Variants in RANBP2 observed in about 807,000 individuals in gnomAD.
RANBP2 encodes E3 SUMO-protein ligase RanBP2.
In RANBP2, 57 loss-of-function variants were observed where a neutral mutation model predicts 303.6. That is an observed-to-expected ratio of 0.19 (90% CI 0.15 to 0.23). The LOEUF is 0.23. Ranked by LOEUF, RANBP2 falls within the 10% of genes least tolerant of loss-of-function variation. The pLI, the probability that RANBP2 is intolerant of heterozygous loss-of-function variation, is 1.00. For synonymous variants in RANBP2, 1,167 were observed against 1,301.5 expected, an observed-to-expected ratio of 0.90 and a Z score of 2.23; for missense variants, 3,138 against 3,780.8, an observed-to-expected ratio of 0.83 and a Z score of 4.46.
chr2:108,799,517 C>G, the RANBP2 span, among the ~76,000 whole-genome samples: 1 of 152,190 alleles, frequency 6.6e-6, no homozygotes, highest in Non-Finnish European at 1.5e-5. Context: ...GTACATCTGC[C>G]TTTTCCAGAA....
At chr2:109,052,715 G>A in the RANBP2 span, among the ~76,000 whole-genome samples, 2 of 152,152 alleles carry the variant, frequency 1.3e-5, no homozygotes, top group African/African-American at 4.8e-5. Context: ...GGCCAGGCTA[G>A]TCTCAAACTC....
the RANBP2 span, chr2:108,878,592 C>A: frequency 5.9e-6 from 1 of 169,208 alleles, no homozygotes; most frequent in South Asian, 1.4e-4. Context: ...TGGTTTTTCT[C>A]TTTGTGTATA....
At chr2:109,710,948 T>C in the RANBP2 span, among the ~76,000 whole-genome samples, 2 of 152,040 alleles carry the variant, frequency 1.3e-5, no homozygotes, top group Non-Finnish European at 2.9e-5. Context: ...TTATGGGACA[T>C]TCTCTCAGGT....
Position 108,764,217 on chromosome 2 carries a change from A to G in RANBP2, c.3678A>G (p.Thr1226=). ...ATGTAAAAATACTGAGGCATAAAAC[A>G]TCTGGTAAAATTCGCCTTCTAATGA... ...IGNVKILRHK[T]SGKIRLLMRR... is the part of the protein sequence containing the mutation. Residue 1226 remains threonine, a synonymous_variant, in exon 20 of 29, where the codon ACA becomes ACG. Coordinates refer to ENST00000283195, the MANE Select transcript of RANBP2 (RefSeq NM_006267.5). 3 of 1,614,100 alleles carry G rather than the reference A, an allele frequency of 1.9e-6. No individual in the cohort carries two copies. Among genetic ancestry groups the G allele is most frequent in the South Asian group, 1.1e-5 (1 of 91,088 alleles).
the RANBP2 span, among the ~76,000 whole-genome samples, chr2:109,367,733 C>G: frequency 2.4e-4 from 36 of 151,918 alleles, no homozygotes; most frequent in African/African-American, 8.2e-4. Flanking sequence ...TCTAGTTTTT[C>G]TCTAGTTTAA....
intron 2 of RANBP2, among the ~76,000 whole-genome samples, chr2:108,729,705 G>C (rs915156641): frequency 8.8e-5 from 13 of 147,782 alleles, no homozygotes; most frequent in African/African-American, 3.4e-4. Context: ...AGGAAATTAA[G>C]AGGGAGTCAG....
At chr2:109,721,887 T>C in the RANBP2 span, among the ~76,000 whole-genome samples, 2 of 152,164 alleles carry the variant, frequency 1.3e-5, no homozygotes, top group Admixed American at 1.3e-4. Context: ...GCCACGCCTC[T>C]CTAGGTGGGC....
At chr2:109,004,251 C>T in the RANBP2 span, among the ~76,000 whole-genome samples, 1 of 152,204 alleles carries the variant, frequency 6.6e-6, no homozygotes. Flanking sequence ...GGCCCACCCT[C>T]ACGTGCTGTG....
the RANBP2 span, among the ~76,000 whole-genome samples, chr2:108,831,439 A>T: frequency 2.8e-4 from 42 of 152,326 alleles, no homozygotes; most frequent in African/African-American, 9.6e-4. Flanking sequence ...TTATGTTTGG[A>T]TTAAGAATAT....
the RANBP2 span, among the ~76,000 whole-genome samples, chr2:108,967,756 G>A: frequency 2.6e-5 from 4 of 152,054 alleles, no homozygotes; most frequent in Admixed American, 6.6e-5. Context: ...AAAACTAGAC[G>A]GTGGATTTCT....
the RANBP2 span, among the ~76,000 whole-genome samples, chr2:109,582,530 C>T: frequency 1.3e-5 from 2 of 152,064 alleles, no homozygotes; most frequent in Non-Finnish European, 2.9e-5. Flanking sequence ...CCATGTTGCC[C>T]AGGCTAGTCT....
At chr2:108,878,707 CTGGGTA>C in the RANBP2 span, among the ~76,000 whole-genome samples, 1 of 152,132 alleles carries the variant, frequency 6.6e-6, no homozygotes, top group Non-Finnish European at 1.5e-5. Flanking sequence ...TAGTAAGTAT[CTGGGTA>C]AGTCTATCTT....
the RANBP2 span, among the ~76,000 whole-genome samples, chr2:108,805,587 C>T: frequency 1.3e-5 from 2 of 151,346 alleles, no homozygotes; most frequent in South Asian, 2.1e-4. Flanking sequence ...AATAGCTGGG[C>T]GTGATGGCGG....
the RANBP2 span, among the ~76,000 whole-genome samples, chr2:109,493,551 CACAT>C: frequency 6.6e-3 from 995 of 150,826 alleles, 16 homozygotes; most frequent in African/African-American, 0.023. Flanking sequence ...ACACACCATA[CACAT>C]ACATACCATA....
Position 108,754,953 on chromosome 2 carries a change from C to G in RANBP2, c.2251C>G (p.Gln751Glu). The G allele has an allele frequency of 6.2e-7, 1 of 1,611,806 alleles. No individual in the cohort carries two copies. The highest frequency in any genetic ancestry group is 8.5e-7 in the Non-Finnish European group (1 of 1,179,804). Residue 751 changes from glutamine to glutamate, a missense_variant, in exon 16 of 29, where the codon CAG becomes GAG. Coordinates refer to ENST00000283195, the MANE Select transcript of RANBP2 (RefSeq NM_006267.5). Reference sequence around the variant, plus strand: ...AAAAGAGATGCTTAATTCAGTCATGCAGGAACTCGAAGACTATAGTGAAGG... The same window carrying G: ...AAAAGAGATGCTTAATTCAGTCATGGAGGAACTCGAAGACTATAGTGAAGG... The part of the protein sequence containing the change: ...SVKEMLNSVM[Q>E]ELEDYSEGGP...
the RANBP2 span, among the ~76,000 whole-genome samples, chr2:109,398,413 AC>A: frequency 2.0e-5 from 3 of 151,658 alleles, no homozygotes; most frequent in African/African-American, 7.3e-5. Flanking sequence ...TGCTCCAAAA[AC>A]CTTTTCAATA....
the RANBP2 span, among the ~76,000 whole-genome samples, chr2:109,664,658 G>A: frequency 1.3e-5 from 2 of 148,636 alleles, no homozygotes; most frequent in East Asian, 2.0e-4. Context: ...GGCCGGGCAC[G>A]GTGGCTCACA....
chr2:108,964,014 G>A, the RANBP2 span, among the ~76,000 whole-genome samples: 1 of 152,192 alleles, frequency 6.6e-6, no homozygotes, highest in Non-Finnish European at 1.5e-5. Flanking sequence ...CAGGACTATG[G>A]CCTCTGTGGC....
intron 17 of RANBP2, among the ~76,000 whole-genome samples, chr2:108,758,192 G>A (rs573343534): frequency 4.2e-4 from 64 of 151,874 alleles, no homozygotes; most frequent in Non-Finnish European, 8.7e-4. Context: ...AGCTACTCAG[G>A]GCGCTGAAGT....
Sources: allele counts gnomAD v4.1 joint callset (sites outside exome capture counted in the v4.1 genomes callset), GRCh38; gene constraint gnomAD v4.1.1; transcripts MANE v1.5; gene names NCBI Gene and HGNC (gene_info 2026-07-23, HGNC 2026-07-21).